VPS33A: variants seen among roughly 807,000 people sequenced by gnomAD.
The protein encoded by VPS33A is VPS33A core subunit of CORVET and HOPS complexes.
Under a neutral mutation model 71.8 loss-of-function variants are expected in VPS33A, and 32 were observed. The observed-to-expected ratio is 0.45, with a 90% CI of 0.34 to 0.60. VPS33A has a LOEUF of 0.60. Among genes scored for constraint, VPS33A ranks in the 20% least tolerant of loss-of-function variants. The pLI is 0.02. For missense variants in VPS33A, 625 were observed against 748.5 expected (o/e 0.84, Z 1.92); for synonymous variants, 311 against 292.7 (o/e 1.06, Z -0.64).
chr12:122,263,660 G>C lies in VPS33A; in HGVS notation c.208C>G (p.Arg70Gly), dbSNP rs150472752. Residue 70 changes from arginine to glycine, a missense_variant, in exon 3 of 13, where the codon CGT (arginine) becomes GGT (glycine). By Grantham distance (125) the Arg-to-Gly change is moderately radical. Transcript: ENST00000267199. ...TTCTTCACATCAGCTGCCGGCAAAC[G>C]ATTTCCTTTAAGTGTGAACATTTTT... ...VEKMFTLKGN[R>G]LPAADVKNII... 77 of 1,612,978 alleles carry C rather than the reference G, an allele frequency of 4.8e-5. No individual in the cohort carries two copies. The African/African-American group carries it at 9.5e-4, about 20-fold the overall frequency.
At chr12:122,235,706 G>A (rs1472037096) in intron 11 of VPS33A, 80 bp downstream of exon 11, 7 of 1,475,598 alleles carry the variant, frequency 4.7e-6, no homozygotes, top group Middle Eastern at 1.8e-4. Flanking sequence ...AGGCAGATGT[G>A]TAGGTTCAGA....
chr12:122,242,332 G>C (rs1454642977), intron 8 of VPS33A, 50 bp downstream of exon 8: 1 of 1,592,036 alleles, frequency 6.3e-7, no homozygotes, highest in Non-Finnish European at 8.6e-7. Flanking sequence ...GTCAAACGTT[G>C]TATGTGCAAG....
Position 122,232,459 on chromosome 12 carries a change from A to T in VPS33A, c.1610-32T>A, listed in dbSNP as rs781596330. 6.3e-6 allele frequency: 10 copies of T among 1,575,944 alleles called. No homozygotes were observed. The South Asian group carries it at 1.2e-4, about 18-fold the overall frequency. On this transcript the variant is annotated intron_variant, in intron 12 of 12. Coordinates refer to ENST00000267199, the MANE Select transcript of VPS33A (RefSeq NM_022916.6). ...TTTAAACATTTCAGAATTAAAAACT[A>T]TTTATTATTAATGCTTCTCTTCCCA...
intron 3 of VPS33A, among the ~76,000 whole-genome samples, chr12:122,261,699 T>C (rs1385040639): frequency 6.6e-6 from 1 of 151,684 alleles, no homozygotes; most frequent in African/African-American, 2.4e-5. Context: ...CAAAACCCCG[T>C]CTCTATAAAA....
At chr12:122,242,599 C>G in intron 7 of VPS33A, 91 bp from the exon 8 acceptor site, 6 of 1,452,410 alleles carry the variant, frequency 4.1e-6, no homozygotes, top group Non-Finnish European at 5.5e-6. Context: ...GTTGCCCAGG[C>G]TGGAGTGCAG....
Position 122,266,443 on chromosome 12 carries a change from C to G in VPS33A, c.-35G>C. 6.3e-7 allele frequency: 1 copy of G among 1,591,922 alleles called. No homozygotes were observed. The highest frequency in any genetic ancestry group is 8.6e-7 in the Non-Finnish European group (1 of 1,163,946). ...CCACCCCCTGCCCCACAACGCCAAC[C>G]GAGTCCGCCGGTTCCTACGGGAGGA... On this transcript the variant is annotated 5_prime_UTR_variant, in exon 1 of 13. Coordinates refer to ENST00000267199, the MANE Select transcript of VPS33A (RefSeq NM_022916.6).
chr12:122,260,451 C>G (rs1954978174), intron 4 of VPS33A, among the ~76,000 whole-genome samples: 1 of 151,978 alleles, frequency 6.6e-6, no homozygotes, highest in African/African-American at 2.4e-5. Context: ...AGGGACCCAC[C>G]ACCACACCCG....
At position 122,266,476 on chromosome 12, in the gene VPS33A, C is replaced by T; in HGVS notation, c.-68G>A. ...CCGGTTCCTACGGGAGGACCACGGACGCAGTCACGTGACCAAACGTCCACG... is the reference window on the plus strand; with the variant it reads ...CCGGTTCCTACGGGAGGACCACGGATGCAGTCACGTGACCAAACGTCCACG... On this transcript the variant is annotated 5_prime_UTR_variant, in exon 1 of 13. Coordinates refer to ENST00000267199, the MANE Select transcript of VPS33A (RefSeq NM_022916.6). 33 of 1,563,686 alleles carry T rather than the reference C, an allele frequency of 2.1e-5. No individual in the cohort carries two copies. Among genetic ancestry groups the T allele is most frequent in the Non-Finnish European group, 2.7e-5 (31 of 1,148,544 alleles).
At position 122,263,674 on chromosome 12, in the gene VPS33A, G is replaced by T; in HGVS notation, c.194C>A (p.Thr65Lys). Residue 65 changes from threonine to lysine, a missense_variant, in exon 3 of 13, where the codon ACA becomes AAA. Coordinates refer to ENST00000267199, the MANE Select transcript of VPS33A (RefSeq NM_022916.6). ...LKEHEVEKMF[T>K]LKGNRLPAAD... Reference sequence around the variant, plus strand: ...TGCCGGCAAACGATTTCCTTTAAGTGTGAACATTTTTTCCACTTCATGTTC... The same window carrying T: ...TGCCGGCAAACGATTTCCTTTAAGTTTGAACATTTTTTCCACTTCATGTTC... 2 of 1,611,414 alleles carry T rather than the reference G, an allele frequency of 1.2e-6. No individual in the cohort carries two copies. Among genetic ancestry groups the T allele is most frequent in the Non-Finnish European group, 1.7e-6 (2 of 1,178,206 alleles).
intron 4 of VPS33A, chr12:122,253,662 T>A (rs935713100): frequency 6.5e-6 from 1 of 154,360 alleles, no homozygotes; most frequent in African/African-American, 2.4e-5. Context: ...CAATATTTTT[T>A]AAAAGATGTA....
At position 122,244,890 on chromosome 12, in the gene VPS33A, A is replaced by G. The variant is rs1954758250; in HGVS notation, c.776-128T>C. On this transcript the variant is annotated intron_variant, in intron 6 of 12. Coordinates refer to ENST00000267199, the MANE Select transcript of VPS33A (RefSeq NM_022916.6). ...AGACGGCAAACGACACATAGCTCTG[A>G]GCTTTTGATTTTCCATGATCAAAGT... 4.7e-6 allele frequency: 4 copies of G among 858,136 alleles called. No homozygotes were observed. The South Asian group carries it at 7.3e-5, about 16-fold the overall frequency. 53.2% of individuals were successfully genotyped at this position (858,136 alleles called of 1,614,324 possible).
At chr12:122,237,540 T>C (rs75537494) in intron 10 of VPS33A, among the ~76,000 whole-genome samples, 4 of 135,240 alleles carry the variant, frequency 3.0e-5, no homozygotes, top group African/African-American at 6.9e-5. Flanking sequence ...TTTTCTTTTT[T>C]TTTTTTTTTT....
Position 122,229,947 on chromosome 12 carries a change from C to T in VPS33A, c.*2299G>A, listed in dbSNP as rs1954538111. 1 of 152,138 alleles carries T rather than the reference C, an allele frequency of 6.6e-6. No individual in the cohort carries two copies. Among genetic ancestry groups the T allele is most frequent in the Non-Finnish European group, 1.5e-5 (1 of 68,034 alleles). The allele number at this position is 152,138 out of a possible 1,614,324, so 9.4% of individuals were successfully genotyped here. A position where few individuals can be genotyped will look rare whatever the true frequency, so the allele number is the denominator to read the frequency against. ...GTATCTGTTCCCAGGACAGAATCCCCAGCCAGGGAGACTTGACCAGACTTG... is the reference window on the plus strand; with the variant it reads ...GTATCTGTTCCCAGGACAGAATCCCTAGCCAGGGAGACTTGACCAGACTTG... On this transcript the variant is annotated 3_prime_UTR_variant, in exon 13 of 13. Transcript: ENST00000267199.
In VPS33A at chr12:122,230,078, A is replaced by G. The variant is rs1954539849; in HGVS notation, c.*2168T>C. The G allele has an allele frequency of 6.6e-6, 1 of 152,250 alleles. No homozygotes were observed. The highest frequency in any genetic ancestry group is 6.5e-5 in the Admixed American group (1 of 15,284). 9.4% of individuals were successfully genotyped at this position (152,250 alleles called of 1,614,324 possible). A position where few individuals can be genotyped will look rare whatever the true frequency, so the allele number is the denominator to read the frequency against. On this transcript the variant is annotated 3_prime_UTR_variant, in exon 13 of 13. Transcript: ENST00000267199. ...AGGTATAAACTAATCTCCCTGGGAT[A>G]TAACAAGTATTTAAAAAAGGATTTT... is the stretch of plus-strand genomic sequence containing the variant.
intron 9 of VPS33A, 74 bp from the exon 10 acceptor site, chr12:122,238,798 C>T: frequency 1.6e-6 from 2 of 1,235,030 alleles, no homozygotes; most frequent in Non-Finnish European, 2.3e-6. Flanking sequence ...CACACACACA[C>T]ACACACACAA....
intron 9 of VPS33A, among the ~76,000 whole-genome samples, chr12:122,238,996 T>C (rs866844108): frequency 1.8e-4 from 25 of 137,160 alleles, no homozygotes; most frequent in South Asian, 6.8e-4. Context: ...CATACATACA[T>C]ACACACACAC....
chr12:122,266,213 C>T (rs1002626012), intron 1 of VPS33A, 94 bp downstream of exon 1: 1 of 1,532,214 alleles, frequency 6.5e-7, no homozygotes, highest in Non-Finnish European at 8.8e-7. Context: ...GCCCCAAGGA[C>T]CTCATAAACC....
intron 9 of VPS33A, among the ~76,000 whole-genome samples, chr12:122,238,996 TACACAC>T (rs68026867): frequency 2.8e-4 from 39 of 137,186 alleles, no homozygotes; most frequent in East Asian, 1.2e-3. Context: ...CATACATACA[TACACAC>T]ACACACACAC....
intron 6 of VPS33A, among the ~76,000 whole-genome samples, chr12:122,245,468 A>C (rs1339854113): frequency 7.4e-6 from 1 of 134,908 alleles, no homozygotes; most frequent in African/African-American, 2.8e-5. Context: ...TTTGAGACGG[A>C]GTTTCACTCT....
Sources: gnomAD v4.1 joint callset for allele counts (sites outside exome capture counted in the v4.1 genomes callset) on GRCh38, gnomAD v4.1.1 for gene constraint, MANE v1.5 for transcripts, NCBI Gene and HGNC (gene_info 2026-07-23, HGNC 2026-07-21) for gene names.